Variants in UPB1 observed in about 807,000 individuals in gnomAD.
UPB1 encodes beta-ureidopropionase.
In UPB1, 40 loss-of-function variants were observed where a neutral mutation model predicts 49.1. That is an observed-to-expected ratio of 0.81 (90% CI 0.63 to 1.06). UPB1 has a LOEUF of 1.06. Among genes scored for constraint, UPB1 ranks in the 50% least tolerant of loss-of-function variants. UPB1 has a pLI of 0.00. For missense variants in UPB1, 499 were observed against 505.9 expected (o/e 0.99, Z 0.13); for synonymous variants, 207 against 198.2 (o/e 1.04, Z -0.38).
chr22:24,510,681 T>C, intron 3 of UPB1, 68 bp from the exon 4 acceptor site: 1 of 1,517,688 alleles, frequency 6.6e-7, no homozygotes, highest in Non-Finnish European at 9.1e-7. Context: ...TTCCCGCTGC[T>C]GGGCTGAGGA....
At chr22:24,514,174 A>G (rs2044254276) in intron 5 of UPB1, among the ~76,000 whole-genome samples, 1 of 152,108 alleles carries the variant, frequency 6.6e-6, no homozygotes, top group African/African-American at 2.4e-5. Context: ...GTTGTTCAGG[A>G]TGTGATGTCC....
At chr22:24,508,095 A>G (rs1785893050) in intron 3 of UPB1, among the ~76,000 whole-genome samples, 1 of 152,192 alleles carries the variant, frequency 6.6e-6, no homozygotes, top group South Asian at 2.1e-4. Context: ...TTTAGGAGAT[A>G]CTGTCTACAA....
At chr22:24,513,033 C>A (rs2044234263) in intron 4 of UPB1, among the ~76,000 whole-genome samples, 1 of 152,070 alleles carries the variant, frequency 6.6e-6, no homozygotes, top group Non-Finnish European at 1.5e-5. Flanking sequence ...GGATATATAC[C>A]CAGGATTAGG....
Position 24,520,469 on chromosome 22 carries a change from G to A in UPB1, c.873+1G>A, listed in dbSNP as rs747539101. ...CTGCGCCATCAATCGAGTGGGCACC[G>A]TAAGTCCCGAGGTCTGGCTGGGGAG... On this transcript the variant is annotated splice_donor_variant, in intron 7 of 9. Transcript: ENST00000326010. LOFTEE classifies it high-confidence loss of function. 1.5e-4 allele frequency: 247 copies of A among 1,613,462 alleles called. 1 individual carries two copies. The South Asian group carries it at 2.3e-3, about 15-fold the overall frequency.
In UPB1 at chr22:24,523,707, T is replaced by C. The variant is rs141597175; in HGVS notation, c.1005T>C (p.Asp335=). ...SRTPGLSRSR[D]GLLVAKLDLN... The stretch of plus-strand genomic sequence containing the variant: ...CTCCTGGGCTGTCCCGTAGCCGGGA[T>C]GGACTGCTAGTTGCTAAGCTCGACC... The change falls in exon 9 of 10, where the codon GAT becomes GAC. Residue 335 remains aspartate, a synonymous_variant. Transcript: ENST00000326010. 1 of 1,614,276 alleles carries C rather than the reference T, an allele frequency of 6.2e-7. No homozygotes were observed. The highest frequency in any genetic ancestry group is 8.5e-7 in the Non-Finnish European group (1 of 1,180,052).
rs772312118 is a variant in UPB1, at chr22:24,495,392, C to G, written c.-12C>G. ...GTTCGTGCGCGGACACAAGCACTGG[C>G]GGACCGTGGCCATGGCGGGCGCTGA... On this transcript the variant is annotated 5_prime_UTR_variant, in exon 1 of 10. Transcript: ENST00000326010. 2 of 1,612,232 alleles carry G rather than the reference C, an allele frequency of 1.2e-6. No homozygotes were observed. The highest frequency in any genetic ancestry group is 2.7e-5 in the African/African-American group (2 of 74,930).
chr22:24,499,308 C>T (rs543583455), intron 1 of UPB1, among the ~76,000 whole-genome samples: 2 of 152,264 alleles, frequency 1.3e-5, no homozygotes, highest in African/African-American at 4.8e-5. Context: ...ATTTCATAAT[C>T]ATCTTGCGCT....
At chr22:24,496,427 G>A (rs1053016049) in intron 1 of UPB1, among the ~76,000 whole-genome samples, 5 of 135,804 alleles carry the variant, frequency 3.7e-5, no homozygotes, top group South Asian at 2.3e-4. Context: ...ACACACACAC[G>A]TCTTTGGATT....
rs138608016 is a variant in UPB1, at chr22:24,513,482, C to T, written c.618C>T (p.Asn206=). Residue 206 remains asparagine, a synonymous_variant, in exon 5 of 10, where the codon AAC becomes AAT. Transcript: ENST00000326010. ...ACATCCCCAGAGTGGGTGATTTCAA[C>T]GAGGTGAGCCACCCATAAGATAGAT... ...KNHIPRVGDF[N]ESTYYMEGNL... The T allele has an allele frequency of 1.6e-5, 26 of 1,613,702 alleles. No individual in the cohort carries two copies. The highest frequency in any genetic ancestry group is 9.3e-5 in the African/African-American group (7 of 74,904).
intron 1 of UPB1, among the ~76,000 whole-genome samples, chr22:24,495,855 A>G (rs2043862353): frequency 6.6e-6 from 1 of 152,168 alleles, no homozygotes. Flanking sequence ...GTCTCCAACC[A>G]GAGCACCCAG....
Position 24,495,341 on chromosome 22 carries a change from C to T in UPB1, c.-63C>T, listed in dbSNP as rs116629687. ...GCGCCTGACCGGGCCTGGGCACCTCCTCCCACTGCGGGCAAAGGGCAGGCA... is the reference window on the plus strand; with the variant it reads ...GCGCCTGACCGGGCCTGGGCACCTCTTCCCACTGCGGGCAAAGGGCAGGCA... On this transcript the variant is annotated 5_prime_UTR_variant, in exon 1 of 10. Transcript: ENST00000326010. 8.5e-4 allele frequency: 1,336 copies of T among 1,576,962 alleles called. 17 individuals are homozygous for T. In the African/African-American group the frequency reaches 0.016, roughly 18 times the overall value.
At chr22:24,520,137 G>A in intron 6 of UPB1, 1 of 563,604 alleles carries the variant, frequency 1.8e-6, no homozygotes, top group Non-Finnish European at 3.2e-6. Context: ...CCTGCAGCAG[G>A]CCCTTCCCAA....
intron 3 of UPB1, chr22:24,503,162 A>T (rs980263865): frequency 2.0e-5 from 3 of 152,264 alleles, no homozygotes; most frequent in Admixed American, 6.5e-5. Context: ...TTTGTTTTCT[A>T]CTTGCCACGC....
chr22:24,508,713 A>G (rs969486781), intron 3 of UPB1, among the ~76,000 whole-genome samples: 1 of 151,836 alleles, frequency 6.6e-6, no homozygotes, highest in African/African-American at 2.4e-5. Context: ...ACCCATCTCT[A>G]CTAAAAATAC....
chr22:24,514,107 A>G (rs770355736), intron 5 of UPB1, among the ~76,000 whole-genome samples: 3 of 152,246 alleles, frequency 2.0e-5, no homozygotes, highest in Non-Finnish European at 2.9e-5. Flanking sequence ...AAGGAGGGAA[A>G]TGACCTCTGC....
At chr22:24,502,898 T>A in intron 3 of UPB1, 1 of 200,592 alleles carries the variant, frequency 5.0e-6, no homozygotes, top group Non-Finnish European at 1.0e-5. Context: ...CTTTGATTCC[T>A]TTTCTTTTTT....
In UPB1 at chr22:24,526,098, G is replaced by T. The variant is rs1014553531; in HGVS notation, c.*304G>T. ...CTCAACTAAAAAAAAAAATGCCCAG[G>T]TACTGCTTGTGCAGGTGGATTTGAG... On this transcript the variant is annotated 3_prime_UTR_variant, in exon 10 of 10. Coordinates refer to ENST00000326010, the MANE Select transcript of UPB1 (RefSeq NM_016327.3). The T allele has an allele frequency of 3.0e-5, 12 of 397,084 alleles. No individual in the cohort carries two copies. The highest frequency in any genetic ancestry group is 2.1e-4 in the African/African-American group (10 of 48,244). The allele number at this position is 397,084 out of a possible 1,614,324, so 24.6% of individuals were successfully genotyped here.
chr22:24,525,901 G>GT lies in UPB1; in HGVS notation c.*109dup. 4 of 1,469,810 alleles carry GT rather than the reference G, an allele frequency of 2.7e-6. No individual in the cohort carries two copies. Among genetic ancestry groups the GT allele is most frequent in the Non-Finnish European group, 3.8e-6 (4 of 1,054,292 alleles). 91.0% of individuals were successfully genotyped at this position (1,469,810 alleles called of 1,614,324 possible). A position where few individuals can be genotyped will look rare whatever the true frequency, so the allele number is the denominator to read the frequency against. ...GGTTCTCCCCAATAACATTGTCCAGGTTGGTTTTAAAATTCCCAGGCAGGG... is the reference window on the plus strand; with the variant it reads ...GGTTCTCCCCAATAACATTGTCCAGGTTTGGTTTTAAAATTCCCAGGCAGGG... On this transcript the variant is annotated 3_prime_UTR_variant, in exon 10 of 10. Coordinates refer to ENST00000326010, the MANE Select transcript of UPB1 (RefSeq NM_016327.3).
chr22:24,518,132 T>C (rs1435470280), intron 6 of UPB1: 5 of 152,032 alleles, frequency 3.3e-5, no homozygotes, highest in African/African-American at 1.2e-4. Flanking sequence ...ACCACTGCGC[T>C]CCAGCCTGGG....
Sources: allele counts gnomAD v4.1 joint callset (sites outside exome capture counted in the v4.1 genomes callset), GRCh38; gene constraint gnomAD v4.1.1; transcripts MANE v1.5; gene names NCBI Gene and HGNC (gene_info 2026-07-23, HGNC 2026-07-21).